Variants in DNAJC6 observed in about 807,000 individuals in gnomAD.
DNAJC6 encodes the protein DnaJ heat shock protein family (Hsp40) member C6.
In DNAJC6, 34 loss-of-function variants were observed where a neutral mutation model predicts 110.0. The ratio of observed to expected loss-of-function variants is 0.31; its 90% confidence interval spans 0.24 to 0.41. The LOEUF (loss-of-function observed/expected upper bound fraction) is 0.41, where lower values mean the gene tolerates loss of function less well. Among genes scored for constraint, DNAJC6 ranks in the 10% least tolerant of loss-of-function variants. DNAJC6 has a pLI of 1.00. For synonymous variants in DNAJC6, 406 were observed against 437.2 expected, an observed-to-expected ratio of 0.93 and a Z score of 0.89; for missense variants, 1,031 against 1,207.8, an observed-to-expected ratio of 0.85 and a Z score of 2.17.
At chr1:65,382,707 G>T (rs1645833338) in intron 5 of DNAJC6, among the ~76,000 whole-genome samples, 2 of 152,126 alleles carry the variant, frequency 1.3e-5, no homozygotes, top group South Asian at 4.1e-4. Context: ...TACTAGCTTG[G>T]GCTGGGGTTA....
rs185562042 is a variant in DNAJC6, at chr1:65,368,868, G to A, written c.543+2672G>A. On this transcript the variant is annotated intron_variant, in intron 4 of 18. Coordinates refer to ENST00000371069, the MANE Select transcript of DNAJC6 (RefSeq NM_001256864.2). ...TGGCTCACTGCAACCTTCGCCTCCT[G>A]GGTTCTGATTCTTGTACCTCAGTCA... 4.6e-3 allele frequency among the ~76,000 whole-genome samples: 698 copies of A among 150,632 alleles called. 3 individuals are homozygous for A. The highest frequency in any genetic ancestry group is 0.016 in the African/African-American group (656 of 40,878).
At chr1:65,345,474 G>T (rs1645428843) in intron 1 of DNAJC6, 1 of 164,540 alleles carries the variant, frequency 6.1e-6, no homozygotes, top group Admixed American at 6.5e-5. Context: ...TTACTAGTTT[G>T]CCTGCTGTTA....
rs987099521 is a variant in DNAJC6, at chr1:65,413,763, C to T, written c.*738C>T. 10 of 152,188 alleles carry T rather than the reference C, an allele frequency of 6.6e-5. No homozygotes were observed. Among genetic ancestry groups the T allele is most frequent in the Admixed American group, 5.2e-4 (8 of 15,272 alleles). The allele number at this position is 152,188 out of a possible 1,614,324, so 9.4% of individuals were successfully genotyped here. On this transcript the variant is annotated 3_prime_UTR_variant, in exon 19 of 19. Transcript: ENST00000371069. ...AAGGTGGGCCGCTACCCTTCTTTCC[C>T]TTTAGAAAACTGTGATTAATTAAAT...
intron 1 of DNAJC6, among the ~76,000 whole-genome samples, chr1:65,330,957 T>A (rs1270710805): frequency 2.6e-5 from 4 of 152,320 alleles, no homozygotes; most frequent in African/African-American, 9.6e-5. Context: ...AAGGGCTTAC[T>A]TTTTCTCTCT....
At chr1:65,372,970 C>T (rs1037655678) in intron 4 of DNAJC6, among the ~76,000 whole-genome samples, 5 of 152,118 alleles carry the variant, frequency 3.3e-5, no homozygotes, top group Non-Finnish European at 7.4e-5. Context: ...CTCTCCCACT[C>T]CTCTTCCTGG....
At chr1:65,361,630 A>G (rs1159931130) in intron 1 of DNAJC6, among the ~76,000 whole-genome samples, 1 of 152,236 alleles carries the variant, frequency 6.6e-6, no homozygotes, top group Non-Finnish European at 1.5e-5. Context: ...GTAAAAATGT[A>G]AAAGTCTGAC....
intron 1 of DNAJC6, among the ~76,000 whole-genome samples, chr1:65,320,168 G>C (rs1645185099): frequency 6.6e-6 from 1 of 152,320 alleles, no homozygotes; most frequent in South Asian, 2.1e-4. Flanking sequence ...CTGTGACTTG[G>C]TGATGAGAGG....
At chr1:65,289,641 A>T (rs541547867) in intron 1 of DNAJC6, among the ~76,000 whole-genome samples, 1 of 152,314 alleles carries the variant, frequency 6.6e-6, no homozygotes, top group East Asian at 1.9e-4. Flanking sequence ...GATTATGACC[A>T]GCACTTTTAT....
intron 1 of DNAJC6, among the ~76,000 whole-genome samples, chr1:65,296,040 A>G (rs894274390): frequency 6.6e-6 from 1 of 152,206 alleles, no homozygotes; most frequent in African/African-American, 2.4e-5. Context: ...TCCTTTTTGT[A>G]ATTTGCAGTC....
intron 5 of DNAJC6, 130 bp downstream of exon 5, chr1:65,379,654 AT>A: frequency 1.5e-6 from 2 of 1,301,170 alleles, no homozygotes; most frequent in Non-Finnish European, 2.1e-6. Context: ...GAATTGGGTA[AT>A]GTGAGAGTTG....
At chr1:65,368,884 A>G (rs956440748) in intron 4 of DNAJC6, among the ~76,000 whole-genome samples, 2 of 150,164 alleles carry the variant, frequency 1.3e-5, no homozygotes, top group African/African-American at 2.5e-5. Flanking sequence ...TGATTCTTGT[A>G]CCTCAGTCAC....
intron 1 of DNAJC6, among the ~76,000 whole-genome samples, chr1:65,302,142 G>A (rs1432480223): frequency 3.0e-5 from 4 of 132,052 alleles, no homozygotes; most frequent in East Asian, 2.1e-4. Flanking sequence ...TATATAATAC[G>A]TATTATATAT....
intron 1 of DNAJC6, among the ~76,000 whole-genome samples, chr1:65,351,239 G>C (rs1473666355): frequency 6.6e-6 from 1 of 152,130 alleles, no homozygotes; most frequent in Non-Finnish European, 1.5e-5. Context: ...TTCTTTCAAA[G>C]ATCTCAGTCC....
intron 1 of DNAJC6, among the ~76,000 whole-genome samples, chr1:65,320,611 A>G (rs1381955821): frequency 3.3e-5 from 5 of 152,206 alleles, no homozygotes; most frequent in Non-Finnish European, 7.3e-5. Flanking sequence ...CATTGCATAA[A>G]TGTCTCCTGG....
At chr1:65,342,259 C>A (rs1251351112) in intron 1 of DNAJC6, among the ~76,000 whole-genome samples, 1 of 152,030 alleles carries the variant, frequency 6.6e-6, no homozygotes, top group Non-Finnish European at 1.5e-5. Context: ...ATATTTGTGT[C>A]CCCTCCTTTC....
chr1:65,349,589 T>C (rs536131899), intron 1 of DNAJC6, among the ~76,000 whole-genome samples: 1 of 152,250 alleles, frequency 6.6e-6, no homozygotes, highest in Non-Finnish European at 1.5e-5. Context: ...AAGTTCTTGG[T>C]TGATCATTTT....
At chr1:65,382,939 A>G (rs11208642) in intron 5 of DNAJC6, among the ~76,000 whole-genome samples, 98,245 of 152,088 alleles carry the variant, frequency 0.65, 32,219 homozygotes, top group African/African-American at 0.79. Flanking sequence ...TAAAAGGGAA[A>G]TAGAAGCATT....
intron 1 of DNAJC6, among the ~76,000 whole-genome samples, chr1:65,335,273 T>C (rs1459654858): frequency 1.3e-5 from 1 of 77,606 alleles, no homozygotes; most frequent in Non-Finnish European, 2.3e-5. Context: ...CACGCCCAGC[T>C]AATTTTTTTT....
At chr1:65,288,048 C>A (rs1054191130) in intron 1 of DNAJC6, among the ~76,000 whole-genome samples, 2 of 152,178 alleles carry the variant, frequency 1.3e-5, no homozygotes, top group African/African-American at 4.8e-5. Context: ...GTTCCCCTGT[C>A]CATTGAACCT....
Sources: allele counts gnomAD v4.1 joint callset (sites outside exome capture counted in the v4.1 genomes callset), GRCh38; gene constraint gnomAD v4.1.1; transcripts MANE v1.5; gene names NCBI Gene and HGNC (gene_info 2026-07-23, HGNC 2026-07-21).